NBEA: variants seen among roughly 807,000 people sequenced by gnomAD.
The protein encoded by NBEA is lysosomal-trafficking regulator 2.
In NBEA, 44 loss-of-function variants were observed where a neutral mutation model predicts 343.4. The observed-to-expected ratio is 0.13, with a 90% CI of 0.10 to 0.16. NBEA has a LOEUF of 0.16. Ranked by LOEUF, NBEA falls within the 10% of genes least tolerant of loss-of-function variation. The pLI, the probability that NBEA is intolerant of heterozygous loss-of-function variation, is 1.00. For synonymous variants in NBEA, 1,175 were observed against 1,238.7 expected (o/e 0.95, Z 1.08); for missense variants, 2,555 against 3,631.3 (o/e 0.70, Z 7.62).
intron 1 of NBEA, among the ~76,000 whole-genome samples, chr13:34,996,167 G>T (rs1467085416): frequency 6.6e-6 from 1 of 152,114 alleles, no homozygotes; most frequent in Non-Finnish European, 1.5e-5. Context: ...TTACAACCTT[G>T]TTACTTCACA....
rs1194427538 is a variant in NBEA, at chr13:35,667,385, C to T, written c.8476C>T (p.Leu2826Phe). 5 of 1,613,738 alleles carry T rather than the reference C, an allele frequency of 3.1e-6. No individual in the cohort carries two copies. The highest frequency in any genetic ancestry group is 4.2e-6 in the Non-Finnish European group (5 of 1,179,820). The change falls in exon 57 of 59, where the codon CTT (leucine) becomes TTT (phenylalanine). Residue 2826 changes from leucine to phenylalanine, a missense_variant. Transcript: ENST00000379939. ...TCCCCACTTTGCAGAGGGCCCTTGC[C>T]TTGTCCACACCATCACTGGAGATTT... ...VISGAKEGPC[L>F]VHTITGDLLR...
intron 1 of NBEA, among the ~76,000 whole-genome samples, chr13:35,023,387 T>C (rs2152542860): frequency 6.6e-6 from 1 of 152,316 alleles, no homozygotes. Flanking sequence ...TATTCTTAAC[T>C]TGTTTATATT....
intron 40 of NBEA, among the ~76,000 whole-genome samples, chr13:35,457,549 T>C (rs1020141271): frequency 5.3e-5 from 8 of 152,206 alleles, no homozygotes; most frequent in African/African-American, 1.7e-4. Flanking sequence ...TAGACTTTAG[T>C]GTCTGCCTTC....
rs376310730 is a variant in NBEA, at chr13:35,261,916, G to A, written c.5777-28473G>A. On this transcript the variant is annotated intron_variant, in intron 34 of 58. Transcript: ENST00000379939. ...GATTAACACAAATAAAAATTACCAC[G>A]TAACATAAGTAAAGTGTTTAAAAGC... Among the ~76,000 whole-genome samples, 19 of 152,160 alleles carry A rather than the reference G, an allele frequency of 1.2e-4. No individual in the cohort carries two copies. The East Asian group carries it at 1.9e-3, about 16-fold the overall frequency.
intron 40 of NBEA, among the ~76,000 whole-genome samples, chr13:35,452,906 G>T (rs976420711): frequency 6.6e-6 from 1 of 152,096 alleles, no homozygotes; most frequent in African/African-American, 2.4e-5. Context: ...ATACAATTCT[G>T]TACACAATGT....
intron 41 of NBEA, among the ~76,000 whole-genome samples, chr13:35,526,643 T>A (rs987021745): frequency 2.2e-4 from 34 of 152,214 alleles, no homozygotes; most frequent in African/African-American, 8.2e-4. Context: ...TTGGGCCCAC[T>A]GGGCTTGTTC....
At chr13:35,133,802 G>A (rs1296859143) in intron 17 of NBEA, among the ~76,000 whole-genome samples, 2 of 151,928 alleles carry the variant, frequency 1.3e-5, no homozygotes, top group African/African-American at 4.8e-5. Context: ...AGACGTACAT[G>A]GGAATAAAAA....
chr13:35,494,239 A>T (rs937905998), intron 41 of NBEA, among the ~76,000 whole-genome samples: 1 of 151,966 alleles, frequency 6.6e-6, no homozygotes, highest in Non-Finnish European at 1.5e-5. Context: ...AATTACAGAG[A>T]CAGTGAGATA....
intron 47 of NBEA, 131 bp downstream of exon 47, chr13:35,593,578 C>T: frequency 1.8e-6 from 1 of 552,186 alleles, no homozygotes; most frequent in Non-Finnish European, 2.9e-6. Context: ...TATGGTACAT[C>T]TAACCTTATA....
At chr13:35,522,198 T>G (rs1257324571) in intron 41 of NBEA, among the ~76,000 whole-genome samples, 1 of 152,060 alleles carries the variant, frequency 6.6e-6, no homozygotes, top group Non-Finnish European at 1.5e-5. Context: ...GGCTCATGCC[T>G]GTAATCCCAG....
At chr13:35,176,943 CTATA>C in intron 27 of NBEA, 49 bp from the exon 28 acceptor site, 1 of 1,179,506 alleles carries the variant, frequency 8.5e-7, no homozygotes, top group Non-Finnish European at 1.2e-6. Flanking sequence ...AGTGATACTT[CTATA>C]TATTATCTGT....
At chr13:35,421,936 C>CT (rs1273710824) in intron 38 of NBEA, among the ~76,000 whole-genome samples, 1 of 152,030 alleles carries the variant, frequency 6.6e-6, no homozygotes, top group East Asian at 1.9e-4. Flanking sequence ...GCTCTTTAGA[C>CT]TTTCTTTGCC....
At chr13:35,110,500 G>C (rs1439555301) in intron 12 of NBEA, among the ~76,000 whole-genome samples, 2 of 152,068 alleles carry the variant, frequency 1.3e-5, no homozygotes, top group Non-Finnish European at 1.5e-5. Context: ...AAGAGCTTTA[G>C]TTGACTTTTA....
At chr13:35,546,198 T>G (rs184043188) in intron 41 of NBEA, among the ~76,000 whole-genome samples, 1 of 152,318 alleles carries the variant, frequency 6.6e-6, no homozygotes, top group Admixed American at 6.5e-5. Context: ...TTAATCATTT[T>G]CATGTGCAGA....
Position 35,118,280 on chromosome 13 carries a change from C to G in NBEA, c.2135C>G (p.Thr712Arg). 1.3e-6 allele frequency: 2 copies of G among 1,564,710 alleles called. No homozygotes were observed. The highest frequency in any genetic ancestry group is 1.7e-6 in the Non-Finnish European group (2 of 1,153,006). ...CAGAGTATATTAAATTACCTACTTA[C>G]GATGCATGAGGTAGGACATGTTATG... Reference protein sequence around the residue: ...ELQSILNYLLTMHEDENIHDV... With the variant: ...ELQSILNYLLRMHEDENIHDV... The change falls in exon 15 of 59, where the codon ACG becomes AGG. Residue 712 changes from threonine to arginine, a missense_variant. Coordinates refer to ENST00000379939, the MANE Select transcript of NBEA (RefSeq NM_001385012.1).
At chr13:35,166,617 A>G (rs1250621518) in intron 24 of NBEA, among the ~76,000 whole-genome samples, 1 of 152,132 alleles carries the variant, frequency 6.6e-6, no homozygotes, top group African/African-American at 2.4e-5. Context: ...TTATGTTTTT[A>G]GAATGAATTG....
chr13:35,082,522 A>C (rs1473201354), intron 10 of NBEA, among the ~76,000 whole-genome samples: 1 of 152,202 alleles, frequency 6.6e-6, no homozygotes, highest in Non-Finnish European at 1.5e-5. Context: ...GAACTAGTTT[A>C]CAGTCCCACC....
At chr13:34,948,198 T>C (rs1470099401) in intron 1 of NBEA, among the ~76,000 whole-genome samples, 2 of 152,214 alleles carry the variant, frequency 1.3e-5, no homozygotes, top group East Asian at 3.8e-4. Flanking sequence ...ATGACTCACT[T>C]ATTCCCCATT....
intron 13 of NBEA, among the ~76,000 whole-genome samples, chr13:35,113,627 A>ATCTATCTATCTATCTATCTATCTG (rs138177740): frequency 2.0e-5 from 3 of 150,722 alleles, no homozygotes; most frequent in African/African-American, 7.3e-5. Context: ...CTATCTATCT[A>ATCTATCTATCTATCTATCTATCTG]TCTGTCTGTC....
Sources: gnomAD v4.1 joint callset for allele counts (sites outside exome capture counted in the v4.1 genomes callset) on GRCh38, gnomAD v4.1.1 for gene constraint, MANE v1.5 for transcripts, NCBI Gene and HGNC (gene_info 2026-07-23, HGNC 2026-07-21) for gene names.